Variants in WDR36 observed in about 807,000 individuals in gnomAD.
WDR36 encodes WD repeat domain 36, also known as WD repeat-containing protein 36.
Under a neutral mutation model 112.7 loss-of-function variants are expected in WDR36, and 63 were observed. That is an observed-to-expected ratio of 0.56 (90% CI 0.46 to 0.69). The LOEUF is 0.69. WDR36 is among the 30% of genes least tolerant of loss of function. The pLI, the probability that WDR36 is intolerant of heterozygous loss-of-function variation, is 0.00. For synonymous variants in WDR36, 410 were observed against 362.2 expected (o/e 1.13, Z -1.50); for missense variants, 1,226 against 1,070.3 (o/e 1.15, Z -2.03).
chr5:111,095,217 T>C (rs1752949682), intron 2 of WDR36: 1 of 369,818 alleles, frequency 2.7e-6, no homozygotes, highest in Admixed American at 4.3e-5. Context: ...GAGTACAGGC[T>C]CATTTAGAAT....
intron 3 of WDR36, among the ~76,000 whole-genome samples, chr5:111,098,182 G>C (rs1270214294): frequency 6.6e-6 from 1 of 152,124 alleles, no homozygotes; most frequent in Non-Finnish European, 1.5e-5. Context: ...CCAAGGAGAG[G>C]AAACAGTGTT....
intron 2 of WDR36, 61 bp downstream of exon 2, chr5:111,095,008 A>C: frequency 6.8e-7 from 1 of 1,471,660 alleles, no homozygotes; most frequent in Non-Finnish European, 9.4e-7. Flanking sequence ...TTTTGACATA[A>C]ATGTGAGACT....
At chr5:111,125,078 G>A (rs1753650579) in intron 21 of WDR36, among the ~76,000 whole-genome samples, 1 of 152,148 alleles carries the variant, frequency 6.6e-6, no homozygotes, top group Non-Finnish European at 1.5e-5. Flanking sequence ...AAAAGAAGTA[G>A]GTTTGGGCTG....
At chr5:111,092,721 C>A (rs945657886) in intron 1 of WDR36, 103 bp downstream of exon 1, 193 of 1,338,486 alleles carry the variant, frequency 1.4e-4, no homozygotes, top group Non-Finnish European at 2.0e-5. Context: ...CCACGGGCTT[C>A]CCTTCTTTAA....
chr5:111,115,363 T>C (rs1484899948), intron 16 of WDR36, among the ~76,000 whole-genome samples: 1 of 152,214 alleles, frequency 6.6e-6, no homozygotes, highest in African/African-American at 2.4e-5. Context: ...TTATTTTTCA[T>C]ATCCTAACAA....
At chr5:111,113,931 CT>C (rs1753401887) in intron 16 of WDR36, among the ~76,000 whole-genome samples, 1 of 152,146 alleles carries the variant, frequency 6.6e-6, no homozygotes, top group African/African-American at 2.4e-5. Context: ...ATCCAATCAC[CT>C]CTTAAAGGCA....
At position 111,121,097 on chromosome 5, in the gene WDR36, C is replaced by T. The variant is rs1357496910; in HGVS notation, c.2104C>T (p.Pro702Ser). The part of the protein sequence containing the change: ...NEQLVTLSLL[P>S]ESRWKNLLNL... Reference sequence around the variant, plus strand: ...GCAATTGGTGACTCTTTCACTTCTTCCTGAATCACGATGGAAAAACCTTCT... The same window carrying T: ...GCAATTGGTGACTCTTTCACTTCTTTCTGAATCACGATGGAAAAACCTTCT... Residue 702 changes from proline (P) to serine (S), a missense_variant, in exon 19 of 23, where the codon CCT becomes TCT. By Grantham distance (74) the Pro-to-Ser change is moderately conservative (BLOSUM62 -1). Transcript: ENST00000513710. 1 of 1,613,544 alleles carries T rather than the reference C, an allele frequency of 6.2e-7. No individual in the cohort carries two copies. The highest frequency in any genetic ancestry group is 1.7e-5 in the Admixed American group (1 of 59,996).
intron 16 of WDR36, among the ~76,000 whole-genome samples, 154 bp downstream of exon 16, chr5:111,113,307 GT>G (rs1376820407): frequency 2.0e-5 from 3 of 151,728 alleles, no homozygotes; most frequent in Non-Finnish European, 4.4e-5. Context: ...TCCTTGGAGT[GT>G]TTTTGATAAC....
Position 111,111,218 on chromosome 5 carries a change from C to G in WDR36, c.1656C>G (p.Asp552Glu). 1 of 1,611,742 alleles carries G rather than the reference C, an allele frequency of 6.2e-7. No individual in the cohort carries two copies. The highest frequency in any genetic ancestry group is 8.5e-7 in the Non-Finnish European group (1 of 1,178,248). The change falls in exon 15 of 23, where the codon GAC becomes GAG. Residue 552 changes from aspartate to glutamate, a missense_variant. Physicochemically the swap from Asp to Glu is conservative, Grantham distance 45 (BLOSUM62 2). Transcript: ENST00000513710. ...ATGACTTCTCCATTAGTGTTCTGGACATAGAAACTAGGAAGATTGTCAGAG... is the reference window on the plus strand; with the variant it reads ...ATGACTTCTCCATTAGTGTTCTGGAGATAGAAACTAGGAAGATTGTCAGAG... ...ALDDFSISVL[D>E]IETRKIVREF...
chr5:111,106,585 C>T (rs913857445), intron 11 of WDR36, among the ~76,000 whole-genome samples: 5 of 151,318 alleles, frequency 3.3e-5, no homozygotes, highest in Admixed American at 6.6e-5. Context: ...GGGTTTGTTG[C>T]GTGAAATCTA....
Position 111,108,544 on chromosome 5 carries a change from G to A in WDR36, c.1326+1105G>A, listed in dbSNP as rs76482507. Among the ~76,000 whole-genome samples, 382 of 148,452 alleles carry A rather than the reference G, an allele frequency of 2.6e-3. 3 individuals carry two copies. The highest frequency in any genetic ancestry group is 0.011 in the South Asian group (55 of 4,812). ...CTAAACCGTAAAGATTCTATCTTAC[G>A]CTCCCGTAGGGACATTTACCTACAT... On this transcript the variant is annotated intron_variant, in intron 12 of 22. Transcript: ENST00000513710.
Position 111,110,756 on chromosome 5 carries a change from AT to A in WDR36, c.1442-22del, listed in dbSNP as rs34323614. ...TCAGAGAGAAACACTGCCAATTCTG[AT>A]TTTTTTTTTCTTTTGACATCTACCT... On this transcript the variant is annotated intron_variant, in intron 13 of 22. Coordinates refer to ENST00000513710, the MANE Select transcript of WDR36 (RefSeq NM_139281.3). 13,286 of 1,515,996 alleles carry A rather than the reference AT, an allele frequency of 8.8e-3. 607 individuals are homozygous for A. The Admixed American group carries it at 0.12, about 13-fold the overall frequency. The allele number at this position is 1,515,996 out of a possible 1,614,324, so 93.9% of individuals were successfully genotyped here.
intron 19 of WDR36, among the ~76,000 whole-genome samples, chr5:111,122,453 C>G (rs1450085675): frequency 6.6e-6 from 1 of 152,092 alleles, no homozygotes; most frequent in African/African-American, 2.4e-5. Flanking sequence ...TTACATTTGT[C>G]CTGTGGATAA....
Position 111,098,739 on chromosome 5 carries a change from G to A in WDR36, c.309G>A (p.Lys103=), listed in dbSNP as rs757448490. Residue 103 remains lysine (K), a synonymous_variant, in exon 4 of 23, where the codon AAG becomes AAA. Coordinates refer to ENST00000513710, the MANE Select transcript of WDR36 (RefSeq NM_139281.3). ...ARNKEIVHTF[K]GHKAEIHFLQ... ...TGTTTTAGATAGTACATACCTTTAA[G>A]GGTCATAAGGCAGAAATCCATTTCT... 3 of 1,606,808 alleles carry A rather than the reference G, an allele frequency of 1.9e-6. No individual in the cohort carries two copies.
intron 1 of WDR36, among the ~76,000 whole-genome samples, chr5:111,093,438 C>T (rs777680220): frequency 6.6e-6 from 1 of 152,076 alleles, no homozygotes; most frequent in Non-Finnish European, 1.5e-5. Context: ...TATCAAATGG[C>T]TTATTAGCAA....
intron 19 of WDR36, among the ~76,000 whole-genome samples, chr5:111,121,653 G>T (rs11241097): frequency 0.027 from 4,060 of 152,226 alleles, 183 homozygotes; most frequent in African/African-American, 0.094. Context: ...ACTAAATAAT[G>T]TACCTGGAGA....
At chr5:111,104,453 A>G (rs1753184335) in intron 8 of WDR36, 101 bp downstream of exon 8, 12 of 1,516,616 alleles carry the variant, frequency 7.9e-6, no homozygotes, top group Non-Finnish European at 1.1e-5. Flanking sequence ...AGAAGATGAA[A>G]GGAATATGGA....
chr5:111,111,154 G>A lies in WDR36; in HGVS notation c.1608-16G>A, dbSNP rs374015394. On this transcript the variant is annotated splice_polypyrimidine_tract_variant and intron_variant, in intron 14 of 22. Transcript: ENST00000513710. ...GGGTTTTTTGTTTATTAAAACTGGT[G>A]CATTTATCTTGCTAGTGGCATTCTG... 3.1e-6 allele frequency: 5 copies of A among 1,607,610 alleles called. No individual in the cohort carries two copies. Among genetic ancestry groups the A allele is most frequent in the Admixed American group, 3.3e-5 (2 of 59,864 alleles).
rs550986123 is a variant in WDR36, at chr5:111,109,286, A to T, written c.1327-903A>T. On this transcript the variant is annotated intron_variant, in intron 12 of 22. Transcript: ENST00000513710. Reference sequence around the variant, plus strand: ...CTTAATGTTTGTGTTTCATTTAGGAAGATAAAATGCTTTTTAACCATAGTA... The same window carrying T: ...CTTAATGTTTGTGTTTCATTTAGGATGATAAAATGCTTTTTAACCATAGTA... Among the ~76,000 whole-genome samples the T allele has an allele frequency of 5.9e-5, 9 of 151,510 alleles. No individual in the cohort carries two copies. The South Asian group carries it at 1.9e-3, about 31-fold the overall frequency.
Sources: allele counts gnomAD v4.1 joint callset (sites outside exome capture counted in the v4.1 genomes callset), GRCh38; gene constraint gnomAD v4.1.1; transcripts MANE v1.5; gene names NCBI Gene and HGNC (gene_info 2026-07-23, HGNC 2026-07-21).